PLA2R1: variants seen among roughly 807,000 people sequenced by gnomAD.
The protein encoded by PLA2R1 is phospholipase A2 receptor 1, also known as secretory phospholipase A2 receptor.
A neutral mutation model predicts 195.9 loss-of-function variants in PLA2R1; 158 were observed. The observed-to-expected ratio is 0.81, with a 90% CI of 0.71 to 0.92. The LOEUF (loss-of-function observed/expected upper bound fraction) is 0.92, where lower values mean the gene tolerates loss of function less well. PLA2R1 is among the 40% of genes least tolerant of loss of function. The probability of loss-of-function intolerance (pLI) is 0.00; values close to 1 mark genes in which losing one functional copy is unlikely to be tolerated. For synonymous variants in PLA2R1, 586 were observed against 598.2 expected (o/e 0.98, Z 0.30); for missense variants, 1,626 against 1,764.6 (o/e 0.92, Z 1.41).
chr2:159,992,857 A>G (rs983236327), intron 11 of PLA2R1, among the ~76,000 whole-genome samples: 3 of 152,068 alleles, frequency 2.0e-5, no homozygotes, highest in Non-Finnish European at 4.4e-5. Context: ...GTTTGGAACA[A>G]TTGGGTTGAA....
intron 11 of PLA2R1, among the ~76,000 whole-genome samples, chr2:159,988,247 G>A (rs560280781): frequency 6.7e-6 from 1 of 150,366 alleles, no homozygotes; most frequent in African/African-American, 2.4e-5. Flanking sequence ...GTAAGAATGA[G>A]CTTGTTTTTT....
chr2:159,980,543 G>GT (rs1689874132), intron 13 of PLA2R1, among the ~76,000 whole-genome samples: 1 of 152,034 alleles, frequency 6.6e-6, no homozygotes, highest in African/African-American at 2.4e-5. Context: ...TAGGTTTTGG[G>GT]TTTTTTTCAG....
chr2:159,974,804 G>A (rs1470102004), intron 17 of PLA2R1, among the ~76,000 whole-genome samples: 1 of 152,122 alleles, frequency 6.6e-6, no homozygotes, highest in East Asian at 1.9e-4. Flanking sequence ...TTCTTCATCA[G>A]AATGTAGCAG....
intron 20 of PLA2R1, among the ~76,000 whole-genome samples, chr2:159,960,315 T>C (rs969647901): frequency 5.3e-5 from 8 of 152,132 alleles, no homozygotes; most frequent in Admixed American, 1.3e-4. Context: ...CAGTTTTAAA[T>C]TACACAGCCA....
chr2:159,936,064 G>T lies in PLA2R1; in HGVS notation c.*5714C>A, dbSNP rs1443142412. 6.9e-6 allele frequency: 1 copy of T among 145,826 alleles called. No homozygotes were observed. Among genetic ancestry groups the T allele is most frequent in the Admixed American group, 6.9e-5 (1 of 14,422 alleles). The allele number at this position is 145,826 out of a possible 1,614,324, so 9.0% of individuals were successfully genotyped here. On this transcript the variant is annotated 3_prime_UTR_variant, in exon 30 of 30. Transcript: ENST00000283243. The stretch of plus-strand genomic sequence containing the variant: ...ACTTCCAGGTTCATGCCATTCTCCT[G>T]CCTCAGCCTCCCGAGTAGCTGGGAA...
intron 9 of PLA2R1, 152 bp downstream of exon 9, chr2:160,016,462 A>C: frequency 3.5e-6 from 2 of 578,136 alleles, no homozygotes; most frequent in Non-Finnish European, 3.1e-6. Flanking sequence ...AAAAAGAGGA[A>C]AGGAAAGAAG....
chr2:159,962,715 T>C, intron 20 of PLA2R1, among the ~76,000 whole-genome samples: 1 of 152,120 alleles, frequency 6.6e-6, no homozygotes, highest in South Asian at 2.1e-4. Flanking sequence ...TAAAAAAGGA[T>C]GAGTTCATGT....
In PLA2R1 at chr2:159,977,416, C is replaced by G; in HGVS notation, c.2269G>C (p.Val757Leu). ...GSWEWSDRTPVVSSFLDNTYF... is the reference protein window; with the variant it reads ...GSWEWSDRTPLVSSFLDNTYF... ...GTGTTGTCTAAAAACGAAGAGACAA[C>G]CTGCAGCAGATGAAGTTCATTATTC... Residue 757 changes from valine to leucine, a missense_variant and splice_region_variant, in exon 15 of 30, where the codon GTT (valine) becomes CTT (leucine). Coordinates refer to ENST00000283243, the MANE Select transcript of PLA2R1 (RefSeq NM_007366.5). The G allele has an allele frequency of 3.1e-6, 5 of 1,612,770 alleles. No individual in the cohort carries two copies. The highest frequency in any genetic ancestry group is 4.2e-6 in the Non-Finnish European group (5 of 1,179,228).
chr2:160,034,410 A>C (rs1169312504), intron 3 of PLA2R1, among the ~76,000 whole-genome samples: 6 of 152,240 alleles, frequency 3.9e-5, no homozygotes, highest in African/African-American at 1.4e-4. Context: ...AAAAGAAAGA[A>C]AGGAAAAAGA....
intron 17 of PLA2R1, among the ~76,000 whole-genome samples, chr2:159,973,959 G>A (rs1276760808): frequency 6.6e-6 from 1 of 151,796 alleles, no homozygotes; most frequent in Admixed American, 6.6e-5. Flanking sequence ...AGCCTGTGGG[G>A]TTTCGCCCTT....
Position 159,951,511 on chromosome 2 carries a change from G to A in PLA2R1, c.3369C>T (p.Asn1123=). The part of the protein sequence containing the change: ...YPMPNTLEYG[N]RTYKIINANM... The stretch of plus-strand genomic sequence containing the variant: ...TTGCATTAATTATTTTGTAAGTTCT[G>A]TTTCCATATTCTAAGGTATTGGGCA... Residue 1123 remains asparagine, a synonymous_variant, in exon 24 of 30, where the codon AAC becomes AAT. Coordinates refer to ENST00000283243, the MANE Select transcript of PLA2R1 (RefSeq NM_007366.5). 6.2e-7 allele frequency: 1 copy of A among 1,609,408 alleles called. No homozygotes were observed.
intron 19 of PLA2R1, among the ~76,000 whole-genome samples, chr2:159,968,232 CTT>C (rs56771818): frequency 2.2e-4 from 31 of 142,230 alleles, no homozygotes; most frequent in Non-Finnish European, 1.8e-4. Context: ...AAACTAACTG[CTT>C]TTTTTTTTTT....
At chr2:159,954,756 G>A (rs1345940202) in intron 23 of PLA2R1, among the ~76,000 whole-genome samples, 1 of 152,032 alleles carries the variant, frequency 6.6e-6, no homozygotes, top group Non-Finnish European at 1.5e-5. Flanking sequence ...CCATTTGGGG[G>A]TTCTGCCCAT....
chr2:159,976,562 G>T, intron 16 of PLA2R1, 123 bp downstream of exon 16: 2 of 680,346 alleles, frequency 2.9e-6, no homozygotes, highest in South Asian at 3.7e-5. Context: ...ATTAGCTCTA[G>T]GTTGACACAA....
At chr2:159,925,589 A>G in the PLA2R1 span, among the ~76,000 whole-genome samples, 1 of 152,104 alleles carries the variant, frequency 6.6e-6, no homozygotes, top group African/African-American at 2.4e-5. Flanking sequence ...TGTGGAAAAA[A>G]ATGATTTTTT....
At chr2:160,054,353 T>G (rs1013496592) in intron 1 of PLA2R1, among the ~76,000 whole-genome samples, 1 of 152,216 alleles carries the variant, frequency 6.6e-6, no homozygotes. Flanking sequence ...ATCTCAGTCA[T>G]GATGATCACT....
chr2:159,965,865 T>C (rs1024166176), intron 20 of PLA2R1, among the ~76,000 whole-genome samples: 33 of 152,102 alleles, frequency 2.2e-4, no homozygotes, highest in African/African-American at 7.2e-4. Flanking sequence ...AAATCACTCA[T>C]TGTTGTTTTA....
At chr2:159,995,314 G>C (rs1691139149) in intron 11 of PLA2R1, among the ~76,000 whole-genome samples, 1 of 152,058 alleles carries the variant, frequency 6.6e-6, no homozygotes, top group South Asian at 2.1e-4. Context: ...AAGAGAAAAA[G>C]AGCAGTGTCA....
chr2:160,042,280 T>C, intron 2 of PLA2R1, 82 bp from the exon 3 acceptor site: 1 of 1,210,704 alleles, frequency 8.3e-7, no homozygotes, highest in East Asian at 2.4e-5. Context: ...AAAGCATTTT[T>C]TATGGACTGA....
Sources: allele counts gnomAD v4.1 joint callset (sites outside exome capture counted in the v4.1 genomes callset), GRCh38; gene constraint gnomAD v4.1.1; transcripts MANE v1.5; gene names NCBI Gene and HGNC (gene_info 2026-07-23, HGNC 2026-07-21).